Variants in CLIP1 observed in about 807,000 individuals in gnomAD.
CLIP1 encodes the protein CAP-Gly domain-containing linker protein 1.
CLIP1 carries 66 observed loss-of-function variants against 161.6 expected under a neutral mutation model. That is an observed-to-expected ratio of 0.41 (90% CI 0.33 to 0.50). The LOEUF is 0.50. Among genes scored for constraint, CLIP1 ranks in the 20% least tolerant of loss-of-function variants. CLIP1 has a pLI of 0.27. For missense variants in CLIP1, 1,376 were observed against 1,702.0 expected (o/e 0.81, Z 3.37); for synonymous variants, 598 against 626.2 (o/e 0.96, Z 0.67).
chr12:122,393,912 CA>C (rs71082981), intron 1 of CLIP1, among the ~76,000 whole-genome samples: 3,027 of 63,228 alleles, frequency 0.048, 161 homozygotes, highest in African/African-American at 0.13. Flanking sequence ...ATTCTGTCTC[CA>C]AAAAAAAAAA....
At position 122,311,893 on chromosome 12, in the gene CLIP1, C is replaced by T. The variant is rs917587167; in HGVS notation, c.3474-2011G>A. Among the ~76,000 whole-genome samples, 2 of 152,178 alleles carry T rather than the reference C, an allele frequency of 1.3e-5. No individual in the cohort carries two copies. Among genetic ancestry groups the T allele is most frequent in the Non-Finnish European group, 2.9e-5 (2 of 68,046 alleles). ...CCAGAAAGCAGCAAAACCACAAGAA[C>T]AGGAGCTACAGCTGGCAGATGACTT... On this transcript the variant is annotated intron_variant, in intron 19 of 25. Transcript: ENST00000620786. The surrounding 1 kb of genome is among the most constrained non-coding windows in gnomAD (Gnocchi z 4.3).
In CLIP1 at chr12:122,390,225, CACATATATACACACACATATATAT is replaced by C. The variant is rs1955561193; in HGVS notation, c.-106-9691_-106-9668del. On this transcript the variant is annotated intron_variant, in intron 1 of 25. Coordinates refer to ENST00000620786, the MANE Select transcript of CLIP1 (RefSeq NM_001247997.2). ...ATATATATACACACATATATATACACACATATATACACACACATATATATACACATATATACACACACATATATA... is the reference window on the plus strand; with the variant it reads ...ATATATATACACACATATATATACACACACATATATACACACACATATATA... Among the ~76,000 whole-genome samples, 3 of 129,442 alleles carry C rather than the reference CACATATATACACACACATATATAT, an allele frequency of 2.3e-5. No individual in the cohort carries two copies. The South Asian group carries it at 7.6e-4, about 33-fold the overall frequency. The allele number at this position is 129,442 out of a possible 152,430, so 84.9% of individuals were successfully genotyped here.
chr12:122,405,386 T>G (rs1956291878), intron 1 of CLIP1, among the ~76,000 whole-genome samples: 2 of 152,230 alleles, frequency 1.3e-5, no homozygotes, highest in Admixed American at 1.3e-4. Flanking sequence ...CTATTTTCAC[T>G]GATATTTCTC....
intron 3 of CLIP1, among the ~76,000 whole-genome samples, chr12:122,370,386 T>A (rs1006463370): frequency 2.0e-5 from 3 of 152,128 alleles, no homozygotes; most frequent in Non-Finnish European, 2.9e-5. Context: ...TGGTGCCATA[T>A]CTACAACACC....
intron 3 of CLIP1, among the ~76,000 whole-genome samples, chr12:122,369,698 G>A (rs573852208): frequency 6.6e-6 from 1 of 151,820 alleles, no homozygotes; most frequent in South Asian, 2.1e-4. Context: ...AATAAAACAG[G>A]GTAGTGTGAC....
chr12:122,341,253 T>C lies in CLIP1; in HGVS notation c.1951A>G (p.Thr651Ala). The change falls in exon 11 of 26, where the codon ACA (threonine) becomes GCA (alanine). Residue 651 changes from threonine to alanine, a missense_variant. Around this residue, in one of 6 missense-constraint regions of CLIP1, gnomAD observed 948 missense variants for 1,134.8 expected, o/e 0.84. Coordinates refer to ENST00000620786, the MANE Select transcript of CLIP1 (RefSeq NM_001247997.2). ...AGTTCAGCAAATTCTGCCGTCTCTG[T>C]TCCAAGCCCTTTGCTGAAAGATACC... ...LKVSFSKGLG[T>A]ETAEFAELKT... The C allele has an allele frequency of 6.2e-7, 1 of 1,614,092 alleles. No individual in the cohort carries two copies. The highest frequency in any genetic ancestry group is 8.5e-7 in the Non-Finnish European group (1 of 1,180,006).
At chr12:122,309,999 T>G in intron 19 of CLIP1, 117 bp from the exon 20 acceptor site, 1 of 1,149,754 alleles carries the variant, frequency 8.7e-7, no homozygotes. Flanking sequence ...CCTGATAGGA[T>G]CTATAATAAC....
intron 19 of CLIP1, among the ~76,000 whole-genome samples, chr12:122,315,843 G>A (rs895569603): frequency 2.0e-5 from 3 of 151,658 alleles, no homozygotes; most frequent in Admixed American, 6.6e-5. Context: ...GGGTTTCACC[G>A]TGTTAGCCAG....
chr12:122,419,836 T>G (rs1956876980), intron 1 of CLIP1, among the ~76,000 whole-genome samples: 1 of 146,096 alleles, frequency 6.8e-6, no homozygotes, highest in African/African-American at 2.5e-5. Flanking sequence ...CTCGGGAGGC[T>G]GAGGCAGGAG....
At chr12:122,356,666 C>T (rs1229877364) in intron 5 of CLIP1, among the ~76,000 whole-genome samples, 1 of 152,104 alleles carries the variant, frequency 6.6e-6, no homozygotes, top group Non-Finnish European at 1.5e-5. Flanking sequence ...CCTCTCTTTC[C>T]ATGGTCTCCC....
At chr12:122,352,277 G>A (rs886163389) in intron 8 of CLIP1, among the ~76,000 whole-genome samples, 10 of 152,012 alleles carry the variant, frequency 6.6e-5, no homozygotes, top group East Asian at 1.9e-4. Flanking sequence ...GGCTGGTTTC[G>A]AACTCCTGAC....
At chr12:122,299,002 T>A (rs911281513) in intron 20 of CLIP1, among the ~76,000 whole-genome samples, 1 of 152,010 alleles carries the variant, frequency 6.6e-6, no homozygotes, top group Non-Finnish European at 1.5e-5. Context: ...AGGGCGGGGG[T>A]ATCGTGACTG....
chr12:122,276,136 A>G (rs1955417891), intron 24 of CLIP1, among the ~76,000 whole-genome samples: 1 of 152,226 alleles, frequency 6.6e-6, no homozygotes, highest in Non-Finnish European at 1.5e-5. Flanking sequence ...ACACATATAC[A>G]TAAATATTTT....
intron 9 of CLIP1, among the ~76,000 whole-genome samples, chr12:122,348,826 G>C (rs1593127804): frequency 1.3e-5 from 2 of 152,136 alleles, no homozygotes; most frequent in Admixed American, 1.3e-4. Context: ...TCTAAACAAA[G>C]TGACACAAAG....
At chr12:122,314,653 G>A (rs1441845954) in intron 19 of CLIP1, among the ~76,000 whole-genome samples, 1 of 152,136 alleles carries the variant, frequency 6.6e-6, no homozygotes. Context: ...GGAGTCTCTC[G>A]TGGCAGTTCA....
intron 8 of CLIP1, among the ~76,000 whole-genome samples, chr12:122,351,721 A>C (rs983002172): frequency 3.4e-4 from 51 of 152,194 alleles, no homozygotes; most frequent in Non-Finnish European, 7.3e-5. Context: ...ACAAATCTGG[A>C]AAATTTGAAA....
chr12:122,274,360 A>AAGT, intron 24 of CLIP1, 198 bp from the exon 25 acceptor site: 1 of 503,226 alleles, frequency 2.0e-6, no homozygotes, highest in Non-Finnish European at 3.6e-6. Context: ...AGCTGAACTT[A>AAGT]AATGAGGCCA....
At chr12:122,329,638 AAATT>A (rs1459452615) in intron 15 of CLIP1, among the ~76,000 whole-genome samples, 5 of 150,110 alleles carry the variant, frequency 3.3e-5, no homozygotes, top group South Asian at 2.1e-4. Flanking sequence ...TCAAAAAAAA[AAATT>A]AATTAATTAA....
intron 7 of CLIP1, 45 bp downstream of exon 7, chr12:122,354,408 A>G (rs757198956): frequency 3.4e-6 from 5 of 1,490,126 alleles, no homozygotes; most frequent in South Asian, 2.3e-5. Context: ...AACAAAAAAA[A>G]AGGGGGAAAG....
Sources: gnomAD v4.1 joint callset for allele counts (sites outside exome capture counted in the v4.1 genomes callset) on GRCh38, gnomAD v4.1.1 for gene constraint, gnomAD v4.1.1 regional missense constraint, Gnocchi (gnomAD v3.1) non-coding constraint, MANE v1.5 for transcripts, NCBI Gene and HGNC (gene_info 2026-07-23, HGNC 2026-07-21) for gene names.